The following RANGAP1 variants were observed in gnomAD, a reference collection of about 807,000 sequenced individuals.
The protein encoded by RANGAP1 is Ran GTPase activating protein 1, also known as ran GTPase-activating protein 1.
A neutral mutation model predicts 63.5 loss-of-function variants in RANGAP1; 38 were observed. That is an observed-to-expected ratio of 0.60 (90% CI 0.46 to 0.78). The LOEUF is 0.78. Ranked by LOEUF, RANGAP1 falls within the 30% of genes least tolerant of loss-of-function variation. The probability of loss-of-function intolerance (pLI) is 0.00; values close to 1 mark genes in which losing one functional copy is unlikely to be tolerated. For missense variants in RANGAP1, 630 were observed against 740.3 expected, an observed-to-expected ratio of 0.85 and a Z score of 1.73; for synonymous variants, 329 against 310.5, an observed-to-expected ratio of 1.06 and a Z score of -0.63.
In RANGAP1 at chr22:41,264,741, G is replaced by T. The variant is rs775588184; in HGVS notation, c.403C>A (p.Leu135Met). 6.2e-7 allele frequency: 1 copy of T among 1,614,102 alleles called. No homozygotes were observed. The highest frequency in any genetic ancestry group is 8.5e-7 in the Non-Finnish European group (1 of 1,179,920). ...GTGAAGCAGGCTGAGCTCTTGAGCA[G>T]GGCCTCGAAGCCTTGCACACCGTCG... ...GPDGVQGFEA[L>M]LKSSACFTLQ... The change falls in exon 5 of 16, where the codon CTG becomes ATG. Residue 135 changes from leucine (L) to methionine (M), a missense_variant. Physicochemically the swap from Leu to Met is conservative, Grantham distance 15 (BLOSUM62 2). Coordinates refer to ENST00000356244, the MANE Select transcript of RANGAP1 (RefSeq NM_002883.4).
the RANGAP1 span, among the ~76,000 whole-genome samples, chr22:41,300,428 TCACACACACACACACACACACACA>T: frequency 1.5e-3 from 56 of 36,278 alleles, 4 homozygotes; most frequent in African/African-American, 5.8e-3. Context: ...TATTGGGAAC[TCACACACACACACACACACACACA>T]CACACACACA....
At chr22:41,253,164 G>C in intron 11 of RANGAP1, 173 bp from the exon 12 acceptor site, 1 of 672,198 alleles carries the variant, frequency 1.5e-6, no homozygotes, top group Admixed American at 4.7e-5. Context: ...ATATCACCCA[G>C]AGATGCTGGC....
intron 2 of RANGAP1, among the ~76,000 whole-genome samples, chr22:41,276,696 G>A (rs1396294195): frequency 6.6e-6 from 1 of 151,812 alleles, no homozygotes; most frequent in African/African-American, 2.4e-5. Context: ...AAAAAGACTA[G>A]GCTGGGCGCG....
chr22:41,269,021 T>A (rs2034643048), intron 3 of RANGAP1, among the ~76,000 whole-genome samples: 2 of 152,262 alleles, frequency 1.3e-5, no homozygotes, highest in South Asian at 4.1e-4. Flanking sequence ...TCCTTTATTG[T>A]AAGGAATGTC....
At chr22:41,291,564 C>T in the RANGAP1 span, among the ~76,000 whole-genome samples, 1 of 143,712 alleles carries the variant, frequency 7.0e-6, no homozygotes, top group Admixed American at 7.1e-5. Context: ...CGCCACTGCA[C>T]TCCAGCCGGA....
chr22:41,273,741 C>T (rs1054011540), intron 3 of RANGAP1, among the ~76,000 whole-genome samples: 27 of 109,936 alleles, frequency 2.5e-4, no homozygotes, highest in Admixed American at 8.3e-4. Context: ...CACACCAGCC[C>T]GGGTGACAGT....
rs891873435 is a variant in RANGAP1 at position 41,245,922 on chromosome 22, G to A, written c.*681C>T. 4.6e-5 allele frequency: 7 copies of A among 152,730 alleles called. No individual in the cohort carries two copies. The highest frequency in any genetic ancestry group is 1.7e-4 in the African/African-American group (7 of 41,422). 9.5% of individuals were successfully genotyped at this position (152,730 alleles called of 1,614,324 possible). ...CCAGGAGAAGGCCCACTAGGTCCGG[G>A]GCCAGCGCAGTCCCAGCAGCTCCTG... On this transcript the variant is annotated 3_prime_UTR_variant, in exon 16 of 16. Coordinates refer to ENST00000356244, the MANE Select transcript of RANGAP1 (RefSeq NM_002883.4).
chr22:41,246,589 G>T lies in RANGAP1; in HGVS notation c.*14C>A. 6.5e-7 allele frequency: 1 copy of T among 1,546,798 alleles called. No individual in the cohort carries two copies. The highest frequency in any genetic ancestry group is 1.2e-5 in the South Asian group (1 of 84,678). On this transcript the variant is annotated 3_prime_UTR_variant, in exon 16 of 16. Coordinates refer to ENST00000356244, the MANE Select transcript of RANGAP1 (RefSeq NM_002883.4). The stretch of plus-strand genomic sequence containing the variant: ...CTCACTGGTCCAGGCCAAGGGATGG[G>T]AGAGGCTTTGAGTCTAGACCTTGTA...
Position 41,251,114 on chromosome 22 carries a change from G to A in RANGAP1, c.1381-5C>T. On this transcript the variant is annotated splice_region_variant and splice_polypyrimidine_tract_variant and intron_variant, in intron 12 of 15. Coordinates refer to ENST00000356244, the MANE Select transcript of RANGAP1 (RefSeq NM_002883.4). ...CTCGGGGTCAGACGTGTCAGTCTGA[G>A]GACAAAAGAGACAATGGTTGGCCTG... 2 of 1,611,420 alleles carry A rather than the reference G, an allele frequency of 1.2e-6. No homozygotes were observed. Among genetic ancestry groups the A allele is most frequent in the Non-Finnish European group, 1.7e-6 (2 of 1,178,010 alleles).
chr22:41,252,833 A>G, intron 12 of RANGAP1, 39 bp downstream of exon 12: 3 of 1,509,122 alleles, frequency 2.0e-6, no homozygotes, highest in Non-Finnish European at 2.7e-6. Context: ...TCCAGAAGCC[A>G]CAGCACGTAC....
Position 41,251,092 on chromosome 22 carries a change from G to A in RANGAP1, c.1398C>T (p.Pro466=), listed in dbSNP as rs774244432. Residue 466 remains proline (P), a synonymous_variant, in exon 13 of 16, where the codon CCC becomes CCT. Transcript: ENST00000356244. The stretch of plus-strand genomic sequence containing the variant: ...TTAGGAAGGCAGAGACCACCTTCTC[G>A]GGGTCAGACGTGTCAGTCTGAGGAC... ...LIAQQTDTSD[P]EKVVSAFLKV... is the part of the protein sequence containing the mutation. The A allele has an allele frequency of 9.3e-6, 15 of 1,613,858 alleles. No individual in the cohort carries two copies. In the Admixed American group the frequency reaches 1.8e-4, roughly 20 times the overall value.
At chr22:41,254,617 G>A (rs1341606093) in intron 10 of RANGAP1, 123 bp from the exon 11 acceptor site, 21 of 1,483,110 alleles carry the variant, frequency 1.4e-5, no homozygotes, top group Non-Finnish European at 1.9e-5. Flanking sequence ...GGTGGGGTGG[G>A]AGCACCTGCT....
the RANGAP1 span, among the ~76,000 whole-genome samples, chr22:41,299,442 A>AT: frequency 3.3e-3 from 499 of 151,304 alleles, 4 homozygotes; most frequent in African/African-American, 0.011. Context: ...TAATTTTTGT[A>AT]TTTTTTTGTA....
At chr22:41,250,351 C>A (rs918168808) in intron 13 of RANGAP1, among the ~76,000 whole-genome samples, 1 of 152,212 alleles carries the variant, frequency 6.6e-6, no homozygotes, top group Non-Finnish European at 1.5e-5. Flanking sequence ...GGAAGAGGCA[C>A]CACATGTCCT....
In RANGAP1 at chr22:41,285,825, A is replaced by T. The variant is rs1028569208; in HGVS notation, c.-39+161T>A. 3.1e-5 allele frequency: 18 copies of T among 583,502 alleles called. No individual in the cohort carries two copies. The African/African-American group carries it at 3.7e-4, about 12-fold the overall frequency. 36.1% of individuals were successfully genotyped at this position (583,502 alleles called of 1,614,324 possible). ...GTGAAAGGAGCCAGCGCCGCTCAAC[A>T]ACCCCACTCCCACCGCCACCCCTGG... On this transcript the variant is annotated intron_variant, in intron 1 of 15. Transcript: ENST00000356244.
intron 1 of RANGAP1, among the ~76,000 whole-genome samples, chr22:41,284,290 GGGT>G (rs1569216383): frequency 6.6e-6 from 1 of 151,988 alleles, no homozygotes; most frequent in East Asian, 1.9e-4. Flanking sequence ...TAACCAGGCC[GGGT>G]GCGGTAGCTC....
At chr22:41,284,248 A>AAAAATAAAAT in intron 1 of RANGAP1, among the ~76,000 whole-genome samples, 1 of 152,044 alleles carries the variant, frequency 6.6e-6, no homozygotes, top group African/African-American at 2.4e-5. Context: ...CTCACCTCAA[A>AAAAATAAAAT]AAAATAAAAT....
chr22:41,263,406 C>T (rs767387040), intron 5 of RANGAP1, among the ~76,000 whole-genome samples: 17 of 152,126 alleles, frequency 1.1e-4, no homozygotes, highest in South Asian at 4.1e-4. Context: ...TTTTTTGAGA[C>T]GGAGTTTTGC....
At chr22:41,250,982 C>T in intron 13 of RANGAP1, 25 bp downstream of exon 13, 2 of 1,602,618 alleles carry the variant, frequency 1.2e-6, no homozygotes, top group Non-Finnish European at 1.7e-6. Flanking sequence ...CAGAGGGCAC[C>T]CAGGTCTCAC....
Sources: gnomAD v4.1 joint callset for allele counts (sites outside exome capture counted in the v4.1 genomes callset) on GRCh38, gnomAD v4.1.1 for gene constraint, MANE v1.5 for transcripts, NCBI Gene and HGNC (gene_info 2026-07-23, HGNC 2026-07-21) for gene names.